SRGAP3: variants seen among roughly 807,000 people sequenced by gnomAD.
The protein encoded by SRGAP3 is SLIT-ROBO Rho GTPase-activating protein 3.
In SRGAP3, 39 loss-of-function variants were observed where a neutral mutation model predicts 121.1. The observed-to-expected ratio is 0.32, with a 90% confidence interval of 0.25 to 0.42. The LOEUF (loss-of-function observed/expected upper bound fraction) is 0.42. SRGAP3 is among the 10% of genes least tolerant of loss of function. SRGAP3 has a pLI of 1.00. For synonymous variants in SRGAP3, 601 were observed against 570.0 expected (o/e 1.05, Z -0.77); for missense variants, 1,213 against 1,470.6 (o/e 0.82, Z 2.86).
intron 1 of SRGAP3, among the ~76,000 whole-genome samples, chr3:9,220,561 T>C (rs1952779919): frequency 1.3e-5 from 2 of 152,166 alleles, no homozygotes; most frequent in South Asian, 2.1e-4. Context: ...TCAGCTTCCA[T>C]ACTGCTGGAC....
chr3:9,159,766 C>A (rs139772167), intron 1 of SRGAP3, among the ~76,000 whole-genome samples: 22 of 152,324 alleles, frequency 1.4e-4, no homozygotes, highest in African/African-American at 4.6e-4. Flanking sequence ...CTTTGCCTCC[C>A]CCAACTATAA....
At chr3:9,100,357 C>G (rs1346138277) in intron 3 of SRGAP3, among the ~76,000 whole-genome samples, 1 of 152,164 alleles carries the variant, frequency 6.6e-6, no homozygotes, top group Non-Finnish European at 1.5e-5. Flanking sequence ...TGAATTTATT[C>G]TCAACTCTTT....
intron 4 of SRGAP3, among the ~76,000 whole-genome samples, chr3:9,071,154 C>T (rs561122515): frequency 6.6e-6 from 1 of 152,112 alleles, no homozygotes; most frequent in Non-Finnish European, 1.5e-5. Context: ...GTATGAACAT[C>T]AGGAGCACCA....
chr3:9,181,714 G>A (rs2125121455), intron 1 of SRGAP3, among the ~76,000 whole-genome samples: 1 of 152,308 alleles, frequency 6.6e-6, no homozygotes, highest in Admixed American at 6.5e-5. Flanking sequence ...GCTCCAGCCA[G>A]AGAAAGTTAT....
chr3:9,188,458 C>A (rs562556801), intron 1 of SRGAP3, among the ~76,000 whole-genome samples: 1 of 152,184 alleles, frequency 6.6e-6, no homozygotes, highest in African/African-American at 2.4e-5. Flanking sequence ...GATGAGGAAA[C>A]TGAGGCTGAG....
At chr3:8,994,165 G>A (rs768214764) in intron 19 of SRGAP3, 178 bp downstream of exon 19, 40 of 834,912 alleles carry the variant, frequency 4.8e-5, no homozygotes, top group Non-Finnish European at 6.7e-5. Flanking sequence ...TTGGATATCC[G>A]TTAAGTGGAT....
chr3:9,111,125 G>A (rs906379669), intron 2 of SRGAP3, among the ~76,000 whole-genome samples: 21 of 152,264 alleles, frequency 1.4e-4, no homozygotes, highest in Admixed American at 1.4e-3. Context: ...ACAACCTTGA[G>A]CCCAACAGAC....
At chr3:9,346,595 G>C (rs2125292522) in intron 1 of SRGAP3, among the ~76,000 whole-genome samples, 1 of 152,128 alleles carries the variant, frequency 6.6e-6, no homozygotes. Context: ...AGAACTGATG[G>C]TCTAGATGCC....
intron 3 of SRGAP3, among the ~76,000 whole-genome samples, chr3:9,260,317 A>G (rs1954228179): frequency 6.6e-6 from 1 of 152,030 alleles, no homozygotes; most frequent in Non-Finnish European, 1.5e-5. Context: ...ACTCCCATGG[A>G]AAGGGGGCTG....
chr3:9,316,085 GT>G (rs1425880432), intron 3 of SRGAP3, among the ~76,000 whole-genome samples: 1 of 152,004 alleles, frequency 6.6e-6, no homozygotes. Flanking sequence ...GTGTCCCTCT[GT>G]CACCCAGGCT....
chr3:9,342,988 C>T (rs2125290843), intron 1 of SRGAP3, among the ~76,000 whole-genome samples: 1 of 152,380 alleles, frequency 6.6e-6, no homozygotes, highest in African/African-American at 2.4e-5. Context: ...CTGTCCGGGC[C>T]CACCATGCCT....
At chr3:9,049,423 C>T (rs1288160757) in intron 9 of SRGAP3, 4 of 455,984 alleles carry the variant, frequency 8.8e-6, no homozygotes, top group African/African-American at 6.0e-5. Flanking sequence ...GTTTAAGCCT[C>T]ATCAGAGTCT....
intron 1 of SRGAP3, among the ~76,000 whole-genome samples, chr3:9,145,781 T>C (rs1322402987): frequency 6.6e-6 from 1 of 152,046 alleles, no homozygotes; most frequent in Non-Finnish European, 1.5e-5. Context: ...CCAGGGAGGT[T>C]TCACTGGGCA....
chr3:9,225,197 C>T (rs1292527643), intron 1 of SRGAP3, among the ~76,000 whole-genome samples: 6 of 152,168 alleles, frequency 3.9e-5, no homozygotes, highest in African/African-American at 1.4e-4. Flanking sequence ...ACACTCAGGG[C>T]TTCCAAGCAG....
intron 10 of SRGAP3, among the ~76,000 whole-genome samples, chr3:9,044,237 G>A (rs1403256855): frequency 6.6e-6 from 1 of 152,182 alleles, no homozygotes; most frequent in East Asian, 1.9e-4. Flanking sequence ...CTTATCTGTG[G>A]GGAATATGTT....
intron 3 of SRGAP3, among the ~76,000 whole-genome samples, chr3:9,092,769 C>G (rs1947809157): frequency 6.6e-6 from 1 of 152,192 alleles, no homozygotes; most frequent in African/African-American, 2.4e-5. Context: ...AGATAACATA[C>G]AGTGCCCCGT....
chr3:9,355,306 G>A (rs1298847320), intron 1 of SRGAP3, among the ~76,000 whole-genome samples: 1 of 152,194 alleles, frequency 6.6e-6, no homozygotes, highest in African/African-American at 2.4e-5. Context: ...AAATCACCTA[G>A]TAACTGCTTC....
intron 1 of SRGAP3, chr3:9,362,709 GA>G (rs2030962308): frequency 6.6e-6 from 1 of 152,234 alleles, no homozygotes; most frequent in African/African-American, 2.4e-5. Context: ...GACATTTTGA[GA>G]AAGATATTTA....
chr3:9,339,367 G>C (rs1309862048), intron 1 of SRGAP3, among the ~76,000 whole-genome samples: 3 of 151,978 alleles, frequency 2.0e-5, no homozygotes, highest in African/African-American at 7.3e-5. Context: ...AATCTTACTG[G>C]GTTTTTAAAA....
Sources: allele counts gnomAD v4.1 joint callset (sites outside exome capture counted in the v4.1 genomes callset), GRCh38; gene constraint gnomAD v4.1.1; transcripts MANE v1.5; gene names NCBI Gene and HGNC (gene_info 2026-07-23, HGNC 2026-07-21).